Variants in PARVA observed in about 807,000 individuals in gnomAD.
PARVA encodes the protein alpha-parvin.
A neutral mutation model predicts 52.6 loss-of-function variants in PARVA; 25 were observed. The observed-to-expected ratio is 0.48, with a 90% CI of 0.35 to 0.66. The LOEUF (loss-of-function observed/expected upper bound fraction) is 0.66. Among genes scored for constraint, PARVA ranks in the 30% least tolerant of loss-of-function variants. PARVA has a pLI of 0.01. For synonymous variants in PARVA, 185 were observed against 179.1 expected, an observed-to-expected ratio of 1.03 and a Z score of -0.26; for missense variants, 373 against 450.9, an observed-to-expected ratio of 0.83 and a Z score of 1.56.
chr11:12,454,664 C>G (rs561973568), intron 1 of PARVA, among the ~76,000 whole-genome samples: 1 of 152,162 alleles, frequency 6.6e-6, no homozygotes. Context: ...ACCAATGCAC[C>G]CAGCAGCCAA....
At chr11:12,436,144 A>T (rs1467455127) in intron 1 of PARVA, among the ~76,000 whole-genome samples, 4 of 152,212 alleles carry the variant, frequency 2.6e-5, no homozygotes, top group African/African-American at 7.2e-5. Context: ...TGTAAAATAG[A>T]TAGCAATATC....
intron 1 of PARVA, among the ~76,000 whole-genome samples, chr11:12,394,818 G>C (rs956921230): frequency 6.6e-6 from 1 of 152,210 alleles, no homozygotes. Flanking sequence ...CAGGCTGGGC[G>C]TGGTGGCTCA....
chr11:12,430,733 T>C (rs1272769309), intron 1 of PARVA, among the ~76,000 whole-genome samples: 1 of 152,222 alleles, frequency 6.6e-6, no homozygotes, highest in East Asian at 1.9e-4. Flanking sequence ...CTGGCTATAA[T>C]AGAGGATAGT....
intron 1 of PARVA, among the ~76,000 whole-genome samples, chr11:12,456,189 G>A (rs1050380245): frequency 1.3e-5 from 2 of 152,206 alleles, no homozygotes; most frequent in African/African-American, 4.8e-5. Flanking sequence ...GGCATGTACT[G>A]AGAAAAGGCA....
intron 12 of PARVA, among the ~76,000 whole-genome samples, chr11:12,521,492 T>C (rs368974087): frequency 1.3e-5 from 2 of 152,216 alleles, no homozygotes; most frequent in East Asian, 1.9e-4. Context: ...TCTAACATAG[T>C]TGAAGATTTG....
chr11:12,389,955 C>G (rs1013783012), intron 1 of PARVA, among the ~76,000 whole-genome samples: 5 of 152,194 alleles, frequency 3.3e-5, no homozygotes. Flanking sequence ...TCCCTTACCT[C>G]TTTTAAAATC....
intron 1 of PARVA, among the ~76,000 whole-genome samples, chr11:12,435,604 G>A (rs1940376891): frequency 1.3e-5 from 2 of 152,150 alleles, no homozygotes; most frequent in Admixed American, 1.3e-4. Flanking sequence ...AACTCTCATA[G>A]GTCATAAGGA....
intron 1 of PARVA, among the ~76,000 whole-genome samples, chr11:12,419,579 T>C (rs1415556749): frequency 6.6e-6 from 1 of 152,206 alleles, no homozygotes; most frequent in African/African-American, 2.4e-5. Flanking sequence ...GCTCTGGACA[T>C]GGGTGTACAA....
chr11:12,388,883 A>G (rs894431717), intron 1 of PARVA, among the ~76,000 whole-genome samples: 2 of 152,044 alleles, frequency 1.3e-5, no homozygotes, highest in African/African-American at 4.8e-5. Flanking sequence ...TCTTCTGTAA[A>G]TAATGCAACC....
At chr11:12,408,182 A>T (rs12792611) in intron 1 of PARVA, among the ~76,000 whole-genome samples, 1 of 151,680 alleles carries the variant, frequency 6.6e-6, no homozygotes, top group Non-Finnish European at 1.5e-5. Context: ...CCAGCCACTG[A>T]GACCCCATTG....
At chr11:12,379,730 C>T (rs766580160) in intron 1 of PARVA, among the ~76,000 whole-genome samples, 1 of 152,200 alleles carries the variant, frequency 6.6e-6, no homozygotes, top group Non-Finnish European at 1.5e-5. Context: ...GACTTCTATT[C>T]CCTAGATTGA....
intron 7 of PARVA, 96 bp from the exon 8 acceptor site, chr11:12,511,418 G>A (rs1941501015): frequency 3.0e-6 from 4 of 1,325,540 alleles, no homozygotes; most frequent in African/African-American, 2.9e-5. Flanking sequence ...AGCATGGGGT[G>A]GGCTTCCAGC....
At chr11:12,463,819 C>G (rs1428271481) in intron 1 of PARVA, among the ~76,000 whole-genome samples, 1 of 152,180 alleles carries the variant, frequency 6.6e-6, no homozygotes, top group African/African-American at 2.4e-5. Flanking sequence ...TATGGATTCA[C>G]AGACATTTAT....
In PARVA at chr11:12,438,680, A is replaced by G. The variant is rs116936602; in HGVS notation, c.137-35065A>G. On this transcript the variant is annotated intron_variant, in intron 1 of 12. Transcript: ENST00000334956. ...CCTACTTTGTCTCCAGCTTCATGCT[A>G]GAGACTTGACTTTTATTGTTCCTAA... Among the ~76,000 whole-genome samples, 1,433 of 152,298 alleles carry G rather than the reference A, an allele frequency of 9.4e-3. 23 individuals are homozygous for G. Among genetic ancestry groups the G allele is most frequent in the South Asian group, 0.056 (272 of 4,822 alleles).
intron 1 of PARVA, among the ~76,000 whole-genome samples, chr11:12,442,687 T>G (rs1940484491): frequency 6.6e-6 from 1 of 151,746 alleles, no homozygotes; most frequent in Non-Finnish European, 1.5e-5. Context: ...CCAGGCCCAC[T>G]GAGAATCCAG....
At position 12,529,321 on chromosome 11, in the gene PARVA, A is replaced by G. The variant is rs1941743677; in HGVS notation, c.*1396A>G. On this transcript the variant is annotated 3_prime_UTR_variant, in exon 13 of 13. Transcript: ENST00000334956. Reference sequence around the variant, plus strand: ...CTGCTAAGTCCTGTAAGAATAGGGAAGGGCGGAGGGGGGTGGGCAGTGACT... The same window carrying G: ...CTGCTAAGTCCTGTAAGAATAGGGAGGGGCGGAGGGGGGTGGGCAGTGACT... 6.6e-6 allele frequency: 1 copy of G among 152,096 alleles called. No individual in the cohort carries two copies. The highest frequency in any genetic ancestry group is 1.5e-5 in the Non-Finnish European group (1 of 68,016). 9.4% of individuals were successfully genotyped at this position (152,096 alleles called of 1,614,324 possible).
chr11:12,413,919 G>C (rs1426296534), intron 1 of PARVA, among the ~76,000 whole-genome samples: 1 of 152,202 alleles, frequency 6.6e-6, no homozygotes, highest in Admixed American at 6.5e-5. Flanking sequence ...GTAACTTAAG[G>C]AGGATATTCA....
chr11:12,431,546 C>T (rs1940317163), intron 1 of PARVA, among the ~76,000 whole-genome samples: 1 of 152,194 alleles, frequency 6.6e-6, no homozygotes, highest in Non-Finnish European at 1.5e-5. Context: ...CTGACATGTT[C>T]CCAGATGGCT....
At chr11:12,419,629 G>A (rs1940118597) in intron 1 of PARVA, among the ~76,000 whole-genome samples, 1 of 152,146 alleles carries the variant, frequency 6.6e-6, no homozygotes, top group African/African-American at 2.4e-5. Flanking sequence ...TTGAGTGTAT[G>A]CAGAAGTTAA....
Sources: allele counts gnomAD v4.1 joint callset (sites outside exome capture counted in the v4.1 genomes callset), GRCh38; gene constraint gnomAD v4.1.1; transcripts MANE v1.5; gene names NCBI Gene and HGNC (gene_info 2026-07-23, HGNC 2026-07-21).